KANK1: variants seen among roughly 807,000 people sequenced by gnomAD.
KANK1 encodes KN motif and ankyrin repeat domains 1, also known as KN motif and ankyrin repeat domain-containing protein 1.
Under a neutral mutation model 106.2 loss-of-function variants are expected in KANK1, and 109 were observed. The ratio of observed to expected loss-of-function variants is 1.03; its 90% CI spans 0.88 to 1.20. The LOEUF is 1.20. KANK1 is among the 50% of genes most tolerant of loss of function. KANK1 has a pLI of 0.00. For missense variants in KANK1, 2,399 were observed against 1,710.7 expected (o/e 1.40, Z -7.10); for synonymous variants, 873 against 652.2 (o/e 1.34, Z -5.16).
intron 1 of KANK1, among the ~76,000 whole-genome samples, chr9:604,135 T>C (rs16924549): frequency 0.013 from 2,011 of 151,310 alleles, 100 homozygotes; most frequent in African/African-American, 0.046. Context: ...ACAGCTGATA[T>C]TCAAAGTACC....
chr9:657,060 G>A (rs1842309520), intron 1 of KANK1, among the ~76,000 whole-genome samples: 1 of 152,098 alleles, frequency 6.6e-6, no homozygotes, highest in Admixed American at 6.5e-5. Context: ...GCCAGCCGCT[G>A]GCACCAACCT....
At chr9:585,482 C>A (rs937655087) in intron 1 of KANK1, among the ~76,000 whole-genome samples, 1 of 152,152 alleles carries the variant, frequency 6.6e-6, no homozygotes, top group South Asian at 2.1e-4. Context: ...TAATAAAAGA[C>A]GCTTACCTTA....
intron 1 of KANK1, chr9:547,342 G>T (rs1157302180): frequency 1.3e-5 from 2 of 152,180 alleles, no homozygotes; most frequent in African/African-American, 4.8e-5. Flanking sequence ...AAAGCCCTGG[G>T]TAAGTTTGAA....
chr9:508,622 T>C (rs1457523311), intron 1 of KANK1, among the ~76,000 whole-genome samples: 2 of 151,716 alleles, frequency 1.3e-5, no homozygotes, highest in Non-Finnish European at 2.9e-5. Flanking sequence ...TTTTATCTGT[T>C]TTCATGCTCT....
At chr9:688,805 C>T (rs962368253) in intron 2 of KANK1, among the ~76,000 whole-genome samples, 1 of 152,078 alleles carries the variant, frequency 6.6e-6, no homozygotes, top group Non-Finnish European at 1.5e-5. Flanking sequence ...GGAGGTGGTA[C>T]TCCAGTTGGT....
intron 1 of KANK1, among the ~76,000 whole-genome samples, chr9:561,935 G>A (rs1035351781): frequency 2.6e-5 from 4 of 152,052 alleles, no homozygotes; most frequent in East Asian, 1.9e-4. Flanking sequence ...ACAACGCAAT[G>A]CTGTTAGGTT....
At chr9:724,594 G>C (rs563613621) in intron 3 of KANK1, among the ~76,000 whole-genome samples, 1 of 152,188 alleles carries the variant, frequency 6.6e-6, no homozygotes, top group South Asian at 2.1e-4. Flanking sequence ...TTGAGGTCAG[G>C]AGTTCGTGAC....
At chr9:743,030 A>ACC (rs1414976920) in intron 10 of KANK1, among the ~76,000 whole-genome samples, 5 of 152,246 alleles carry the variant, frequency 3.3e-5, no homozygotes, top group African/African-American at 9.6e-5. Flanking sequence ...GGGAAACTCA[A>ACC]CCAAAGGGGG....
chr9:728,471 TA>T (rs35808800), intron 3 of KANK1, among the ~76,000 whole-genome samples: 11,567 of 152,254 alleles, frequency 0.076, 1,105 homozygotes, highest in African/African-American at 0.21. Context: ...GTGCTGGGGT[TA>T]ACAGGCATGA....
At chr9:569,389 A>C (rs142372998) in intron 1 of KANK1, among the ~76,000 whole-genome samples, 1 of 152,066 alleles carries the variant, frequency 6.6e-6, no homozygotes, top group East Asian at 1.9e-4. Flanking sequence ...CCATTCATGG[A>C]TTAATGGATT....
chr9:642,430 C>G (rs1438714711), intron 1 of KANK1, among the ~76,000 whole-genome samples: 1 of 150,998 alleles, frequency 6.6e-6, no homozygotes, highest in African/African-American at 2.5e-5. Flanking sequence ...CTTGAACAAA[C>G]TAAAAACTAC....
intron 1 of KANK1, among the ~76,000 whole-genome samples, chr9:599,858 G>C (rs559960378): frequency 6.6e-6 from 1 of 151,908 alleles, no homozygotes; most frequent in South Asian, 2.1e-4. Context: ...CTTGTATATC[G>C]AGGGATGACT....
chr9:496,450 G>A (rs917520926), intron 3 of KANK1, among the ~76,000 whole-genome samples: 5 of 152,126 alleles, frequency 3.3e-5, no homozygotes, highest in Admixed American at 6.5e-5. Flanking sequence ...CCAGCTACTC[G>A]GGAGGCTGAG....
chr9:734,840 G>A lies in KANK1; in HGVS notation c.3333+5G>A, dbSNP rs753322252. The A allele has an allele frequency of 1.9e-6, 3 of 1,606,076 alleles. No individual in the cohort carries two copies. The highest frequency in any genetic ancestry group is 1.1e-5 in the South Asian group (1 of 90,858). Reference sequence around the variant, plus strand: ...GCTTTGACCAGCAAAGATATGGTGAGTCTGACCTGCAAACACCATCCCCAG... The same window carrying A: ...GCTTTGACCAGCAAAGATATGGTGAATCTGACCTGCAAACACCATCCCCAG... On this transcript the variant is annotated splice_donor_5th_base_variant and intron_variant, in intron 7 of 11. Coordinates refer to ENST00000382297, the MANE Select transcript of KANK1 (RefSeq NM_015158.5).
At chr9:658,941 C>G (rs1310692483) in intron 1 of KANK1, among the ~76,000 whole-genome samples, 1 of 152,168 alleles carries the variant, frequency 6.6e-6, no homozygotes, top group Non-Finnish European at 1.5e-5. Flanking sequence ...CCACCCATTC[C>G]TATACATCTG....
intron 3 of KANK1, among the ~76,000 whole-genome samples, chr9:723,230 A>T (rs1024482995): frequency 1.3e-5 from 2 of 152,168 alleles, no homozygotes; most frequent in African/African-American, 2.4e-5. Flanking sequence ...TGACCCTTGG[A>T]TGCCTGCAGG....
At chr9:571,677 C>G (rs117016326) in intron 1 of KANK1, among the ~76,000 whole-genome samples, 5,757 of 152,102 alleles carry the variant, frequency 0.038, 127 homozygotes, top group Non-Finnish European at 0.055. Flanking sequence ...AGAGACTTAA[C>G]AGTTTGGCTT....
chr9:699,776 A>G (rs920566872), intron 2 of KANK1, among the ~76,000 whole-genome samples: 6 of 152,218 alleles, frequency 3.9e-5, no homozygotes, highest in African/African-American at 1.4e-4. Flanking sequence ...TTTTTAAAAC[A>G]GCTATACTAG....
chr9:579,184 A>G (rs1821369401), intron 1 of KANK1, among the ~76,000 whole-genome samples: 1 of 152,208 alleles, frequency 6.6e-6, no homozygotes, highest in African/African-American at 2.4e-5. Flanking sequence ...GGTGCCCTCC[A>G]CGTAGCCTTC....
Sources: gnomAD v4.1 joint callset for allele counts (sites outside exome capture counted in the v4.1 genomes callset) on GRCh38, gnomAD v4.1.1 for gene constraint, MANE v1.5 for transcripts, NCBI Gene and HGNC (gene_info 2026-07-23, HGNC 2026-07-21) for gene names.